FAAH2: variants seen among roughly 807,000 people sequenced by gnomAD.
The protein encoded by FAAH2 is fatty acid amide hydrolase 2.
FAAH2 carries 60 observed loss-of-function variants against 36.9 expected under a neutral mutation model. The ratio of observed to expected loss-of-function variants is 1.63; its 90% CI spans 1.32 to 2.02. FAAH2 has a LOEUF of 2.02. Ranked by LOEUF, FAAH2 falls within the 30% of genes most tolerant of loss-of-function variation. The pLI, the probability that FAAH2 is intolerant of heterozygous loss-of-function variation, is 0.00. For missense variants in FAAH2, 689 were observed against 397.5 expected (o/e 1.73, Z -6.23); for synonymous variants, 214 against 143.8 (o/e 1.49, Z -3.49).
At chrX:57,461,817 T>C (rs1291661785) in intron 10 of FAAH2, among the ~76,000 whole-genome samples, 2 of 109,212 alleles carry the variant, frequency 1.8e-5, no homozygotes, top group Admixed American at 2.0e-4. Context: ...TTGAAGGAGA[T>C]AAAGACTCAA....
chrX:57,171,874 T>C, the FAAH2 span, among the ~76,000 whole-genome samples: 2 of 112,155 alleles, frequency 1.8e-5, no homozygotes, highest in East Asian at 5.5e-4. Flanking sequence ...TCTTGTATAA[T>C]TTTTATGGTT....
At chrX:57,152,208 C>T in the FAAH2 span, among the ~76,000 whole-genome samples, 11 of 112,386 alleles carry the variant, frequency 9.8e-5, no homozygotes, top group South Asian at 3.7e-3. Flanking sequence ...TTAGGCTGCT[C>T]GGGGGTTAGG....
chrX:57,238,317 GA>G, the FAAH2 span, among the ~76,000 whole-genome samples: 1 of 111,827 alleles, frequency 8.9e-6, no homozygotes, highest in African/African-American at 3.2e-5. Flanking sequence ...TATGCAGCCA[GA>G]AAAAAGAATG....
chrX:57,442,007 C>T (rs190733615), intron 8 of FAAH2, among the ~76,000 whole-genome samples: 24 of 111,783 alleles, frequency 2.1e-4, no homozygotes, highest in Admixed American at 1.8e-3. Context: ...TCTACATTTG[C>T]TGAAGAGTAC....
chrX:57,421,370 T>G (rs775538188), intron 7 of FAAH2, among the ~76,000 whole-genome samples: 3 of 112,056 alleles, frequency 2.7e-5, no homozygotes, highest in Non-Finnish European at 5.6e-5. Flanking sequence ...GAGAGTTGCT[T>G]GAACCCAAGA....
the FAAH2 span, among the ~76,000 whole-genome samples, chrX:57,237,846 A>G: frequency 8.9e-6 from 1 of 111,829 alleles, no homozygotes; most frequent in South Asian, 3.7e-4. Context: ...AAATGACATG[A>G]ACAGACACTT....
chrX:57,138,465 T>G, the FAAH2 span, among the ~76,000 whole-genome samples: 1 of 110,731 alleles, frequency 9.0e-6, no homozygotes, highest in Non-Finnish European at 1.9e-5. Flanking sequence ...TATTTATTGA[T>G]GGACAGTTAA....
the FAAH2 span, among the ~76,000 whole-genome samples, chrX:57,217,820 T>A: frequency 8.9e-6 from 1 of 112,010 alleles, no homozygotes. Context: ...CTGTGAAGAA[T>A]GATGGTGGTA....
At chrX:57,470,643 C>T (rs1169364208) in intron 10 of FAAH2, among the ~76,000 whole-genome samples, 1 of 111,088 alleles carries the variant, frequency 9.0e-6, no homozygotes, top group African/African-American at 3.3e-5. Flanking sequence ...AGCAGATGGA[C>T]TCGCAGCCAA....
the FAAH2 span, among the ~76,000 whole-genome samples, chrX:57,227,617 T>C: frequency 4.5e-5 from 5 of 111,728 alleles, no homozygotes; most frequent in Admixed American, 2.8e-4. Context: ...ATTTTTGTGC[T>C]GGTTGGCCTC....
At chrX:57,360,535 A>C (rs1299934695) in intron 5 of FAAH2, among the ~76,000 whole-genome samples, 1 of 111,014 alleles carries the variant, frequency 9.0e-6, no homozygotes, top group East Asian at 2.8e-4. Flanking sequence ...AATAGGTTCT[A>C]TCTCTTTATT....
intron 2 of FAAH2, among the ~76,000 whole-genome samples, chrX:57,295,587 TGG>T (rs1225276261): frequency 9.0e-6 from 1 of 111,730 alleles, no homozygotes; most frequent in East Asian, 2.9e-4. Context: ...TTCATCTCAC[TGG>T]GGAGTGCTGG....
intron 10 of FAAH2, among the ~76,000 whole-genome samples, chrX:57,461,801 G>A (rs1303106148): frequency 1.8e-5 from 2 of 109,582 alleles, no homozygotes; most frequent in East Asian, 2.9e-4. Flanking sequence ...TAAGATCAGA[G>A]CAGAATTGAA....
At chrX:57,286,569 G>T, upstream of FAAH2, 1 of 271,008 alleles carries the variant, frequency 3.7e-6, no homozygotes, top group Non-Finnish European at 6.5e-6. Context: ...TTCTTATGAC[G>T]CATTTTCTGT....
the FAAH2 span, among the ~76,000 whole-genome samples, chrX:57,176,179 T>A: frequency 2.7e-5 from 3 of 112,045 alleles, no homozygotes; most frequent in Admixed American, 1.9e-4. Context: ...TCCAAACTTT[T>A]TGCCTTTTCT....
chrX:57,366,421 G>A (rs2054416427), intron 5 of FAAH2, among the ~76,000 whole-genome samples: 1 of 112,109 alleles, frequency 8.9e-6, no homozygotes, highest in African/African-American at 3.2e-5. Context: ...TTGCCCTGGA[G>A]GGGCCAATGT....
At chrX:57,270,144 A>G in the FAAH2 span, among the ~76,000 whole-genome samples, 1 of 111,550 alleles carries the variant, frequency 9.0e-6, no homozygotes, top group Non-Finnish European at 1.9e-5. Flanking sequence ...CTGGACAAAT[A>G]CACCCTCGCA....
intron 7 of FAAH2, among the ~76,000 whole-genome samples, chrX:57,383,938 A>G (rs999187408): frequency 4.5e-5 from 5 of 112,030 alleles, no homozygotes; most frequent in Non-Finnish European, 9.4e-5. Flanking sequence ...GGAAGACTAC[A>G]GTAACCAAAA....
intron 10 of FAAH2, among the ~76,000 whole-genome samples, chrX:57,487,258 A>T (rs894771833): frequency 1.8e-5 from 2 of 110,671 alleles, no homozygotes; most frequent in Admixed American, 1.9e-4. Context: ...AAGCCCAGGC[A>T]ATAAAAGAAA....
Sources: gnomAD v4.1 joint callset for allele counts (sites outside exome capture counted in the v4.1 genomes callset) on GRCh38, gnomAD v4.1.1 for gene constraint, MANE v1.5 for transcripts, NCBI Gene and HGNC (gene_info 2026-07-23, HGNC 2026-07-21) for gene names.